CD63: variants seen among roughly 807,000 people sequenced by gnomAD.
CD63 encodes CD63 antigen.
Under a neutral mutation model 29.2 loss-of-function variants are expected in CD63, and 16 were observed. The observed-to-expected ratio is 0.55, with a 90% confidence interval of 0.37 to 0.83. The LOEUF is 0.83. Ranked by LOEUF, CD63 falls within the 40% of genes least tolerant of loss-of-function variation. The probability of loss-of-function intolerance (pLI) is 0.00; values close to 1 mark genes in which losing one functional copy is unlikely to be tolerated. For synonymous variants in CD63, 118 were observed against 111.7 expected, an observed-to-expected ratio of 1.06 and a Z score of -0.36; for missense variants, 251 against 297.3, an observed-to-expected ratio of 0.84 and a Z score of 1.15.
Position 55,728,486 on chromosome 12 carries a change from C to A in CD63, c.-11-134G>T. On this transcript the variant is annotated intron_variant, in intron 1 of 7. Coordinates refer to ENST00000257857, the MANE Select transcript of CD63 (RefSeq NM_001780.6). The surrounding 1 kb of genome is among the most constrained non-coding windows in gnomAD (Gnocchi z 4.8). ...CCCCTCCCACCCGGAAACCCGCGGT[C>A]GGATCCACGTCTCCCAGCCCCCTCT... The A allele has an allele frequency of 1.3e-6, 2 of 1,488,178 alleles. No homozygotes were observed. Among genetic ancestry groups the A allele is most frequent in the South Asian group, 1.3e-5 (1 of 74,958 alleles). The allele number at this position is 1,488,178 out of a possible 1,614,324, so 92.2% of individuals were successfully genotyped here.
chr12:55,727,070 C>T, intron 3 of CD63, 81 bp downstream of exon 3: 1 of 1,548,950 alleles, frequency 6.5e-7, no homozygotes, highest in Non-Finnish European at 8.9e-7. Context: ...CTCACCCACC[C>T]ACCTCACCCA....
At position 55,728,349 on chromosome 12, in the gene CD63, G is replaced by A. The variant is rs770757846; in HGVS notation, c.-8C>T. ...TCCTCCTTCCACCGCCATGGCTGCC[G>A]GGCCTGGGGCAGAGGGGAGGGCGGG... On this transcript the variant is annotated 5_prime_UTR_variant, in exon 2 of 8. Coordinates refer to ENST00000257857, the MANE Select transcript of CD63 (RefSeq NM_001780.6). This position sits in a 1 kb window ranked among gnomAD's most constrained non-coding sequence, Gnocchi z 4.8. The A allele has an allele frequency of 3.1e-6, 5 of 1,609,272 alleles. No homozygotes were observed. The highest frequency in any genetic ancestry group is 4.2e-6 in the Non-Finnish European group (5 of 1,178,540).
chr12:55,726,331 ATTCTTT>A, intron 5 of CD63, 70 bp from the exon 6 acceptor site: 1 of 555,258 alleles, frequency 1.8e-6, no homozygotes, highest in South Asian at 2.3e-5. Flanking sequence ...GGAGATGAGA[ATTCTTT>A]TTTTTTTTTT....
downstream of CD63, among the ~76,000 whole-genome samples, chr12:55,725,049 G>A (rs3138134): frequency 0.016 from 2,412 of 152,262 alleles, 70 homozygotes; most frequent in African/African-American, 0.056. Flanking sequence ...GACCACACAG[G>A]TGTCAAGGCA....
Position 55,728,771 on chromosome 12 carries a change from A to T in CD63, c.-12+182T>A. On this transcript the variant is annotated intron_variant, in intron 1 of 7. Transcript: ENST00000257857. The surrounding 1 kb of genome is among the most constrained non-coding windows in gnomAD (Gnocchi z 4.8). The stretch of plus-strand genomic sequence containing the variant: ...CTCCCCGCCCACCAAAAAAAAAAAA[A>T]GTGCAGCCAGCACCCCCGCCACACC... The T allele has an allele frequency of 1.0e-6, 1 of 970,552 alleles. No homozygotes were observed. The highest frequency in any genetic ancestry group is 1.2e-6 in the Non-Finnish European group (1 of 814,116). 60.1% of individuals were successfully genotyped at this position (970,552 alleles called of 1,614,324 possible).
At chr12:55,725,991 C>G in intron 6 of CD63, 95 bp from the exon 7 acceptor site, 1 of 1,356,934 alleles carries the variant, frequency 7.4e-7, no homozygotes, top group Non-Finnish European at 1.0e-6. Flanking sequence ...TGCCCCTGTA[C>G]CTTTCACCCC....
downstream of CD63, chr12:55,724,295 T>C (rs1204690967): frequency 6.2e-7 from 1 of 1,611,980 alleles, no homozygotes; most frequent in Non-Finnish European, 8.5e-7. Flanking sequence ...GAAGGGAAAC[T>C]GATTGCAACC....
Position 55,728,932 on chromosome 12 carries a change from G to T in CD63, c.-12+21C>A. The T allele has an allele frequency of 1.0e-6, 1 of 985,532 alleles. No individual in the cohort carries two copies. The highest frequency in any genetic ancestry group is 1.2e-6 in the Non-Finnish European group (1 of 829,996). The allele number at this position is 985,532 out of a possible 1,614,324, so 61.0% of individuals were successfully genotyped here. On this transcript the variant is annotated intron_variant, in intron 1 of 7. Coordinates refer to ENST00000257857, the MANE Select transcript of CD63 (RefSeq NM_001780.6). The surrounding 1 kb of genome is among the most constrained non-coding windows in gnomAD (Gnocchi z 4.8). Reference sequence around the variant, plus strand: ...TCTCTCCCAGCCCGCGCCGAAGTCCGCCGGGTCCCCGCGGCCTCACCTGGG... The same window carrying T: ...TCTCTCCCAGCCCGCGCCGAAGTCCTCCGGGTCCCCGCGGCCTCACCTGGG...
In CD63 at chr12:55,727,411, T is replaced by C. The variant is rs963524853; in HGVS notation, c.67-72A>G. ...GCCCTCCATGGTGGAGGGCAGGGGG[T>C]ACACCTAGGACACAGACTTGACCCC... is the stretch of plus-strand genomic sequence containing the variant. On this transcript the variant is annotated intron_variant, in intron 2 of 7. Coordinates refer to ENST00000257857, the MANE Select transcript of CD63 (RefSeq NM_001780.6). The C allele has an allele frequency of 4.9e-6, 7 of 1,420,490 alleles. No homozygotes were observed. In the Admixed American group the frequency reaches 1.4e-4, roughly 28 times the overall value. 88.0% of individuals were successfully genotyped at this position (1,420,490 alleles called of 1,614,324 possible).
chr12:55,726,142 G>A lies in CD63; in HGVS notation c.546C>T (p.Asn182=), dbSNP rs138802238. 6.8e-6 allele frequency: 11 copies of A among 1,613,802 alleles called. No individual in the cohort carries two copies. The highest frequency in any genetic ancestry group is 5.5e-5 in the South Asian group (5 of 91,070). The change falls in exon 6 of 8, where the codon AAC becomes AAT. Residue 182 remains asparagine (N), a synonymous_variant. Coordinates refer to ENST00000257857, the MANE Select transcript of CD63 (RefSeq NM_001780.6). ...CTACCTCCTTATGGATCGCCTTCTC[G>A]TTGAAATTAATCCCACAGCCCACAG... The part of the protein sequence containing the change: ...NVTVGCGINF[N]EKAIHKEGCV...
At position 55,728,428 on chromosome 12, in the gene CD63, T is replaced by A; in HGVS notation, c.-11-76A>T. On this transcript the variant is annotated intron_variant, in intron 1 of 7. Transcript: ENST00000257857. The surrounding 1 kb of genome is among the most constrained non-coding windows in gnomAD (Gnocchi z 4.8). ...CGGTTTCCGGGCTCCCGGCCGGCCC[T>A]CGAGGGCTTCCCTTCACGGCCCCGA... The A allele has an allele frequency of 1.3e-6, 2 of 1,542,096 alleles. No homozygotes were observed. The highest frequency in any genetic ancestry group is 1.7e-6 in the Non-Finnish European group (2 of 1,144,002).
chr12:55,726,421 T>C (rs913426970), intron 5 of CD63, 160 bp from the exon 6 acceptor site: 2 of 665,108 alleles, frequency 3.0e-6, no homozygotes, highest in East Asian at 3.0e-5. Context: ...CTCGGCTCAC[T>C]GCAACCTCCG....
At chr12:55,724,006 T>C (rs746404474), downstream of CD63, 3 of 1,612,850 alleles carry the variant, frequency 1.9e-6, no homozygotes, top group African/African-American at 1.3e-5. Flanking sequence ...CACGGCTGCC[T>C]CCTGCCACAC....
At position 55,725,446 on chromosome 12, in the gene CD63, T is replaced by C; in HGVS notation, c.*115A>G. 1.1e-6 allele frequency: 1 copy of C among 878,414 alleles called. No individual in the cohort carries two copies. The highest frequency in any genetic ancestry group is 1.9e-6 in the Non-Finnish European group (1 of 523,382). The allele number at this position is 878,414 out of a possible 1,614,324, so 54.4% of individuals were successfully genotyped here. ...AGGAAAGGAAGGAATCAAGCATCACTCTAAGACAAACTCAGACCATCTCTT... is the reference window on the plus strand; with the variant it reads ...AGGAAAGGAAGGAATCAAGCATCACCCTAAGACAAACTCAGACCATCTCTT... On this transcript the variant is annotated 3_prime_UTR_variant, in exon 8 of 8. Transcript: ENST00000257857.
rs777023084 is a variant in CD63 at position 55,726,197 on chromosome 12, C to T, written c.491G>A (p.Arg164Gln). 42 of 1,613,844 alleles carry T rather than the reference C, an allele frequency of 2.6e-5. No homozygotes were observed. The highest frequency in any genetic ancestry group is 3.3e-5 in the Admixed American group (2 of 59,992). ...WEKIPSMSKN[R>Q]VPDSCCINVT... is the part of the protein sequence containing the mutation. The stretch of plus-strand genomic sequence containing the variant: ...ATTAATGCAGCAGGAGTCGGGGACT[C>T]GGTTCTTCGACATGGAAGGGATTTT... Residue 164 changes from arginine to glutamine, a missense_variant, in exon 6 of 8, where the codon CGA (arginine) becomes CAA (glutamine). Coordinates refer to ENST00000257857, the MANE Select transcript of CD63 (RefSeq NM_001780.6).
upstream of CD63, chr12:55,729,171 GCCCGGCCAGGGCCACGTGGCCCCTA>G (rs1232410643): frequency 2.0e-6 from 2 of 978,698 alleles, no homozygotes; most frequent in East Asian, 2.3e-4. Context: ...CGAGCCCCCC[GCCCGGCCAGGGCCACGTGGCCCCTA>G]CCCGGAAGAA....
At chr12:55,729,109 G>A, upstream of CD63, 9 of 985,328 alleles carry the variant, frequency 9.1e-6, no homozygotes, top group Non-Finnish European at 9.6e-6. Flanking sequence ...CCTCCCTCAT[G>A]TGACGCGGTA....
chr12:55,728,271 C>G lies in CD63; in HGVS notation c.66+5G>C. ...GCGCGCCCCCCAGGACCCCTCGCCA[C>G]TCACGCAAAAGGCCAGCAGGAGGAC... On this transcript the variant is annotated splice_donor_5th_base_variant and intron_variant, in intron 2 of 7. Coordinates refer to ENST00000257857, the MANE Select transcript of CD63 (RefSeq NM_001780.6). This position sits in a 1 kb window ranked among gnomAD's most constrained non-coding sequence, Gnocchi z 4.8. 1 of 1,608,636 alleles carries G rather than the reference C, an allele frequency of 6.2e-7. No individual in the cohort carries two copies. The highest frequency in any genetic ancestry group is 8.5e-7 in the Non-Finnish European group (1 of 1,177,890).
downstream of CD63, chr12:55,724,118 G>A: frequency 6.4e-7 from 1 of 1,561,072 alleles, no homozygotes; most frequent in Non-Finnish European, 8.7e-7. Context: ...TCCTGCATAA[G>A]CCTGCTAGGA....
Sources: allele counts gnomAD v4.1 joint callset (sites outside exome capture counted in the v4.1 genomes callset), GRCh38; gene constraint gnomAD v4.1.1; non-coding constraint Gnocchi (gnomAD v3.1); transcripts MANE v1.5; gene names NCBI Gene and HGNC (gene_info 2026-07-23, HGNC 2026-07-21).